The following PACRGL variants were observed in gnomAD, a reference collection of about 807,000 sequenced individuals.
The protein encoded by PACRGL is PACRG-like protein.
Under a neutral mutation model 34.5 loss-of-function variants are expected in PACRGL, and 38 were observed. That is an observed-to-expected ratio of 1.10 (90% CI 0.85 to 1.44). The LOEUF (loss-of-function observed/expected upper bound fraction) is 1.44, where lower values mean the gene tolerates loss of function less well. Ranked by LOEUF, PACRGL falls within the 40% of genes most tolerant of loss-of-function variation. PACRGL has a pLI of 0.00. For missense variants in PACRGL, 305 were observed against 281.4 expected (o/e 1.08, Z -0.60); for synonymous variants, 128 against 100.1 (o/e 1.28, Z -1.66).
intron 7 of PACRGL, among the ~76,000 whole-genome samples, chr4:20,717,818 C>A (rs1426108663): frequency 1.3e-5 from 2 of 151,948 alleles, no homozygotes; most frequent in African/African-American, 2.4e-5. Context: ...GCAATGTGGG[C>A]TCTTTTTTGT....
At chr4:20,733,344 T>C (rs532301861), downstream of PACRGL, among the ~76,000 whole-genome samples, 50 of 152,298 alleles carry the variant, frequency 3.3e-4, no homozygotes, top group Non-Finnish European at 5.9e-4. Flanking sequence ...AATTTTGTTA[T>C]TAACTTTTTC....
At chr4:20,753,545 G>T (rs1197875733), downstream of PACRGL, among the ~76,000 whole-genome samples, 1 of 152,134 alleles carries the variant, frequency 6.6e-6, no homozygotes, top group Admixed American at 6.5e-5. Flanking sequence ...CCCCAGGTTT[G>T]TAGAATGAAA....
intron 8 of PACRGL, among the ~76,000 whole-genome samples, chr4:20,745,740 C>A (rs946119109): frequency 2.6e-5 from 4 of 152,132 alleles, no homozygotes; most frequent in Non-Finnish European, 5.9e-5. Flanking sequence ...GGATTCTGTT[C>A]ATCTGCCAAA....
intron 3 of PACRGL, among the ~76,000 whole-genome samples, chr4:20,707,349 TCTCC>T (rs1410470862): frequency 6.6e-6 from 1 of 152,184 alleles, no homozygotes. Context: ...TCTTCAATTC[TCTCC>T]CTCCTGCCCA....
At chr4:20,758,894 G>A in the PACRGL span, 1 of 1,611,766 alleles carries the variant, frequency 6.2e-7, no homozygotes, top group South Asian at 1.1e-5. Flanking sequence ...GGCATTCCTA[G>A]GGAAAGTGGC....
rs1737943706 is a variant in PACRGL, at chr4:20,712,810, C to T, written c.389C>T (p.Pro130Leu). 2 of 1,586,716 alleles carry T rather than the reference C, an allele frequency of 1.3e-6. No homozygotes were observed. Among genetic ancestry groups the T allele is most frequent in the East Asian group, 2.3e-5 (1 of 44,250 alleles). ...LAEGLRETKHPYTFVSKEGFR... is the reference protein window; with the variant it reads ...LAEGLRETKHLYTFVSKEGFR... The stretch of plus-strand genomic sequence containing the variant: ...CAGGGTCTGAGAGAGACTAAGCATC[C>T]ATACACTTTTGTGTCAAAGGAGGGT... Residue 130 changes from proline to leucine, a missense_variant, in exon 6 of 9, where the codon CCA (proline) becomes CTA (leucine). By Grantham distance (98) the Pro-to-Leu change is moderately conservative. Coordinates refer to ENST00000503585, the MANE Select transcript of PACRGL (RefSeq NM_001258345.3).
chr4:20,706,894 A>G (rs1734746798), intron 3 of PACRGL, among the ~76,000 whole-genome samples: 1 of 152,060 alleles, frequency 6.6e-6, no homozygotes, highest in Non-Finnish European at 1.5e-5. Context: ...CTTTTATTGT[A>G]ATTTAATTTG....
downstream of PACRGL, among the ~76,000 whole-genome samples, chr4:20,757,057 C>T (rs958249211): frequency 1.3e-4 from 20 of 152,084 alleles, no homozygotes; most frequent in African/African-American, 3.4e-4. Context: ...CCCACAGGCA[C>T]CTCAGATGTA....
intron 3 of PACRGL, among the ~76,000 whole-genome samples, chr4:20,705,845 A>G (rs1734256483): frequency 6.7e-6 from 1 of 149,852 alleles, no homozygotes; most frequent in Non-Finnish European, 1.5e-5. Context: ...AAGTCAGAAT[A>G]ATGTTCACCT....
Position 20,729,518 on chromosome 4 carries a change from T to TAAAACTAATTTCTAACAGAAA in PACRGL, c.*2197_*2198insAAAAACTAATTTCTAACAGAA. On this transcript the variant is annotated 3_prime_UTR_variant, in exon 9 of 9. Transcript: ENST00000503585. ...TTTTTAAATGTTTAAAAATGCCAGA[T>TAAAACTAATTTCTAACAGAAA]AAAACTAATTTCTAACAGAAGGTGG... 1 of 128,402 alleles carries TAAAACTAATTTCTAACAGAAA rather than the reference T, an allele frequency of 7.8e-6. No individual in the cohort carries two copies. The allele number at this position is 128,402 out of a possible 1,614,324, so 8.0% of individuals were successfully genotyped here. A position where few individuals can be genotyped will look rare whatever the true frequency, so the allele number is the denominator to read the frequency against.
chr4:20,710,927 C>T (rs1297643574), intron 5 of PACRGL, among the ~76,000 whole-genome samples: 1 of 152,070 alleles, frequency 6.6e-6, no homozygotes, highest in African/African-American at 2.4e-5. Context: ...GTGGCTCATG[C>T]TTGTAATCCC....
intron 8 of PACRGL, among the ~76,000 whole-genome samples, chr4:20,744,825 G>T (rs1045530066): frequency 6.6e-6 from 1 of 152,128 alleles, no homozygotes; most frequent in African/African-American, 2.4e-5. Flanking sequence ...GTGTGGACTT[G>T]TGTTGTTTGC....
At chr4:20,736,980 T>G (rs1749766113), downstream of PACRGL, among the ~76,000 whole-genome samples, 1 of 152,138 alleles carries the variant, frequency 6.6e-6, no homozygotes, top group South Asian at 2.1e-4. Flanking sequence ...AGAATAGAAT[T>G]GAGTCTAGAT....
At chr4:20,714,386 G>C (rs1377746020) in intron 7 of PACRGL, among the ~76,000 whole-genome samples, 2 of 152,082 alleles carry the variant, frequency 1.3e-5, no homozygotes, top group African/African-American at 4.8e-5. Flanking sequence ...TTGAGCCTAT[G>C]TGTGTCTCTT....
rs1747542776 is a variant in PACRGL at position 20,729,944 on chromosome 4, T to TTATATTA, written c.*2604_*2610dup. ...AAGCTCAAATCTTTTGGGGATTGCT[T>TTATATTA]TATATTAAAACAAAGCTTGTTTGCA... On this transcript the variant is annotated 3_prime_UTR_variant, in exon 9 of 9. Coordinates refer to ENST00000503585, the MANE Select transcript of PACRGL (RefSeq NM_001258345.3). 4 of 1,011,348 alleles carry TTATATTA rather than the reference T, an allele frequency of 4.0e-6. No individual in the cohort carries two copies. In the South Asian group the frequency reaches 1.1e-4, roughly 27 times the overall value. The allele number at this position is 1,011,348 out of a possible 1,614,324, so 62.6% of individuals were successfully genotyped here.
chr4:20,749,517 A>AT, intron 8 of PACRGL: 1 of 524,884 alleles, frequency 1.9e-6, no homozygotes, highest in Non-Finnish European at 3.4e-6. Context: ...TTGAAAGATA[A>AT]TTTTTGGCAA....
chr4:20,708,796 A>G (rs1313141571), intron 4 of PACRGL, among the ~76,000 whole-genome samples: 1 of 152,186 alleles, frequency 6.6e-6, no homozygotes, highest in Non-Finnish European at 1.5e-5. Flanking sequence ...GTATTCGTAC[A>G]TAAAAACATA....
intron 1 of PACRGL, chr4:20,701,746 C>T: frequency 4.9e-6 from 2 of 409,280 alleles, no homozygotes; most frequent in Non-Finnish European, 9.9e-6. Flanking sequence ...AGGACTCCCT[C>T]CCTCCCCCCA....
At chr4:20,749,152 T>TC (rs199628590) in intron 8 of PACRGL, among the ~76,000 whole-genome samples, 1,496 of 91,154 alleles carry the variant, frequency 0.016, 19 homozygotes, top group African/African-American at 0.022. Context: ...AGCGAGACTC[T>TC]TTCAAAAAAA....
Sources: gnomAD v4.1 joint callset for allele counts (sites outside exome capture counted in the v4.1 genomes callset) on GRCh38, gnomAD v4.1.1 for gene constraint, MANE v1.5 for transcripts, NCBI Gene and HGNC (gene_info 2026-07-23, HGNC 2026-07-21) for gene names.